Variants in CDH12 observed in about 807,000 individuals in gnomAD.
CDH12 encodes the protein cadherin-12.
A neutral mutation model predicts 74.1 loss-of-function variants in CDH12; 41 were observed. The observed-to-expected ratio is 0.55, with a 90% CI of 0.43 to 0.72. CDH12 has a LOEUF of 0.72. Ranked by LOEUF, CDH12 falls within the 30% of genes least tolerant of loss-of-function variation. The pLI is 0.00. For missense variants in CDH12, 945 were observed against 977.2 expected (o/e 0.97, Z 0.44); for synonymous variants, 399 against 355.0 (o/e 1.12, Z -1.39).
rs747709119 is a variant in CDH12, at chr5:21,817,100, G to C, written c.847C>G (p.Pro283Ala). 6.0e-5 allele frequency: 97 copies of C among 1,611,206 alleles called. 3 individuals are homozygous for C. The Admixed American group carries it at 1.1e-3, about 18-fold the overall frequency. Reference protein sequence around the residue: ...IFHLKVPESSPIGSAIGRIRA... With the variant: ...IFHLKVPESSAIGSAIGRIRA... The stretch of plus-strand genomic sequence containing the variant: ...ATTCTTCCAATAGCTGAACCAATAG[G>C]GGAAGACTCAGGAACTTTCAAGTGG... Residue 283 changes from proline to alanine, a missense_variant, in exon 9 of 15, where the codon CCT (proline) becomes GCT (alanine). Around this residue, in one of 3 missense-constraint regions of CDH12, gnomAD observed 791 missense variants for 792.8 expected, o/e 1.00. Coordinates refer to ENST00000382254, the MANE Select transcript of CDH12 (RefSeq NM_004061.5).
At chr5:21,756,565 T>TA (rs1744408750) in intron 13 of CDH12, among the ~76,000 whole-genome samples, 1 of 152,202 alleles carries the variant, frequency 6.6e-6, no homozygotes, top group African/African-American at 2.4e-5. Context: ...TAAATGCAAT[T>TA]AATACTTCTA....
intron 1 of CDH12, among the ~76,000 whole-genome samples, chr5:22,804,416 T>G (rs1307007193): frequency 3.3e-5 from 5 of 152,082 alleles, no homozygotes; most frequent in African/African-American, 1.2e-4. Flanking sequence ...GGAGATTTTA[T>G]GGAATTGGCT....
intron 3 of CDH12, among the ~76,000 whole-genome samples, chr5:22,375,678 A>G (rs909970932): frequency 3.9e-5 from 6 of 152,292 alleles, no homozygotes; most frequent in Non-Finnish European, 8.8e-5. Context: ...AATGGCTGAT[A>G]AGTATTTGAA....
intron 1 of CDH12, among the ~76,000 whole-genome samples, chr5:22,762,985 T>TA (rs534916916): frequency 0.014 from 2,076 of 149,326 alleles, 52 homozygotes; most frequent in African/African-American, 0.048. Context: ...CACTGAAAAT[T>TA]AAAAAAAAAA....
At chr5:22,827,236 GT>G in intron 1 of CDH12, among the ~76,000 whole-genome samples, 1 of 152,216 alleles carries the variant, frequency 6.6e-6, no homozygotes, top group Admixed American at 6.5e-5. Flanking sequence ...TCCATGTGGT[GT>G]TGAGCCTGCG....
rs75653974 is a variant in CDH12 at position 21,864,642 on chromosome 5, A to G, written c.527-9852T>C. 7.9e-5 allele frequency among the ~76,000 whole-genome samples: 12 copies of G among 152,340 alleles called. No homozygotes were observed. The East Asian group carries it at 1.5e-3, about 20-fold the overall frequency. On this transcript the variant is annotated intron_variant, in intron 6 of 14. Coordinates refer to ENST00000382254, the MANE Select transcript of CDH12 (RefSeq NM_004061.5). ...CTAATTGGTCAGAAAATTGATGCCA[A>G]TTGGAGTTGTTGCTATAACAAACAC...
chr5:22,556,434 AC>A (rs1738807962), intron 1 of CDH12, among the ~76,000 whole-genome samples: 2 of 152,102 alleles, frequency 1.3e-5, no homozygotes, highest in African/African-American at 4.8e-5. Flanking sequence ...GACTTCAGGC[AC>A]AAATGAAAAT....
intron 3 of CDH12, among the ~76,000 whole-genome samples, chr5:22,373,359 C>T (rs1037677088): frequency 5.9e-5 from 9 of 152,136 alleles, no homozygotes; most frequent in African/African-American, 2.2e-4. Flanking sequence ...GTGGGTTGCC[C>T]CCACAACTGC....
At chr5:22,145,598 C>T (rs541234049) in intron 4 of CDH12, among the ~76,000 whole-genome samples, 1 of 152,138 alleles carries the variant, frequency 6.6e-6, no homozygotes, top group East Asian at 1.9e-4. Context: ...TTTTTTAACC[C>T]ATTTAGGTAG....
In CDH12 at chr5:22,295,435, T is replaced by C. The variant is rs370665440; in HGVS notation, c.-332-82792A>G. 1.2e-4 allele frequency among the ~76,000 whole-genome samples: 18 copies of C among 152,256 alleles called. No individual in the cohort carries two copies. The East Asian group carries it at 2.9e-3, about 25-fold the overall frequency. On this transcript the variant is annotated intron_variant, in intron 3 of 14. Transcript: ENST00000382254. ...AATTTGAATCTAAATTGCTATAACA[T>C]TTTTTGGAAAAAAGCCTACAGTATA...
chr5:22,750,917 G>GA (rs34040056), intron 1 of CDH12, among the ~76,000 whole-genome samples: 70,601 of 140,790 alleles, frequency 0.5, 17,365 homozygotes, highest in East Asian at 0.56. Flanking sequence ...AAATCATAGT[G>GA]AAAAAAAAAA....
chr5:22,709,266 T>C (rs1279470495), intron 1 of CDH12, among the ~76,000 whole-genome samples: 1 of 152,152 alleles, frequency 6.6e-6, no homozygotes, highest in Non-Finnish European at 1.5e-5. Context: ...AGATGAAATA[T>C]TTCCATTGAA....
intron 4 of CDH12, among the ~76,000 whole-genome samples, chr5:22,180,082 G>A (rs557967518): frequency 1.3e-5 from 2 of 152,276 alleles, no homozygotes; most frequent in East Asian, 1.9e-4. Context: ...CCTCATTTAT[G>A]AAGGAACTTG....
At chr5:21,850,656 C>T (rs1259762943) in intron 7 of CDH12, among the ~76,000 whole-genome samples, 1 of 151,366 alleles carries the variant, frequency 6.6e-6, no homozygotes, top group African/African-American at 2.4e-5. Flanking sequence ...ATAATTATCT[C>T]TGAATGAAAG....
chr5:21,831,958 AG>A (rs1749047824), intron 8 of CDH12, among the ~76,000 whole-genome samples: 1 of 152,164 alleles, frequency 6.6e-6, no homozygotes, highest in East Asian at 1.9e-4. Context: ...TGAGCTGGAA[AG>A]TAGACAGATT....
intron 1 of CDH12, among the ~76,000 whole-genome samples, chr5:22,541,999 A>T (rs1218914889): frequency 6.6e-6 from 1 of 152,228 alleles, no homozygotes; most frequent in Non-Finnish European, 1.5e-5. Flanking sequence ...GCCAATACAG[A>T]CAATATTTAT....
At chr5:22,008,247 T>TA (rs1737078863) in intron 5 of CDH12, among the ~76,000 whole-genome samples, 1 of 151,948 alleles carries the variant, frequency 6.6e-6, no homozygotes, top group Non-Finnish European at 1.5e-5. Flanking sequence ...TTTTTTTTTT[T>TA]TAAATGGAGT....
intron 2 of CDH12, among the ~76,000 whole-genome samples, chr5:22,489,839 C>A (rs923036074): frequency 2.6e-5 from 4 of 151,716 alleles, no homozygotes; most frequent in African/African-American, 4.8e-5. Context: ...AGGCACATGC[C>A]CAGCTAATTT....
intron 2 of CDH12, among the ~76,000 whole-genome samples, chr5:22,454,997 T>C (rs1393242098): frequency 1.3e-5 from 2 of 152,110 alleles, no homozygotes; most frequent in African/African-American, 4.8e-5. Context: ...TGTGAAGGAA[T>C]GAAGAAGTAG....
Sources: allele counts gnomAD v4.1 joint callset (sites outside exome capture counted in the v4.1 genomes callset), GRCh38; gene constraint gnomAD v4.1.1; regional missense constraint gnomAD v4.1.1; transcripts MANE v1.5; gene names NCBI Gene and HGNC (gene_info 2026-07-23, HGNC 2026-07-21).